CFAP299: variants seen among roughly 807,000 people sequenced by gnomAD.
CFAP299 encodes cilia- and flagella-associated protein 299.
A neutral mutation model predicts 27.0 loss-of-function variants in CFAP299; 21 were observed. That is an observed-to-expected ratio of 0.78 (90% CI 0.55 to 1.12). The LOEUF (loss-of-function observed/expected upper bound fraction) is 1.12, where lower values mean the gene tolerates loss of function less well. Among genes scored for constraint, CFAP299 ranks in the 50% most tolerant of loss-of-function variants. CFAP299 has a pLI of 0.00. For synonymous variants in CFAP299, 104 were observed against 98.1 expected, an observed-to-expected ratio of 1.06 and a Z score of -0.36; for missense variants, 310 against 276.6, an observed-to-expected ratio of 1.12 and a Z score of -0.86.
intron 2 of CFAP299, among the ~76,000 whole-genome samples, chr4:80,376,678 G>A (rs905316011): frequency 2.6e-5 from 4 of 152,048 alleles, no homozygotes; most frequent in Admixed American, 6.6e-5. Context: ...TATTGAGATG[G>A]AGTTTCACTA....
intron 5 of CFAP299, among the ~76,000 whole-genome samples, chr4:80,956,050 T>C (rs1738046891): frequency 6.6e-6 from 1 of 152,162 alleles, no homozygotes; most frequent in Non-Finnish European, 1.5e-5. Context: ...TACTCATAAT[T>C]GATATGAGAA....
At chr4:80,665,255 A>G (rs1741090094) in intron 3 of CFAP299, among the ~76,000 whole-genome samples, 3 of 152,220 alleles carry the variant, frequency 2.0e-5, no homozygotes, top group African/African-American at 7.2e-5. Context: ...GGCAAAAGCT[A>G]GAGAAAATTT....
chr4:80,640,219 C>CTTAT (rs1560672049), intron 3 of CFAP299, among the ~76,000 whole-genome samples: 2 of 152,124 alleles, frequency 1.3e-5, no homozygotes, highest in South Asian at 2.1e-4. Context: ...GCTATGAAGC[C>CTTAT]GGCTCTGATT....
rs541972901 is a variant in CFAP299 at position 80,478,365 on chromosome 4, A to G, written c.243-104728A>G. On this transcript the variant is annotated intron_variant, in intron 2 of 5. Coordinates refer to ENST00000358105, the MANE Select transcript of CFAP299 (RefSeq NM_152770.3). ...TTTTATTTTATAATTTTTTTGTTTG[A>G]TAGCCTTTTATCATACTTATATATA... 1.2e-3 allele frequency among the ~76,000 whole-genome samples: 176 copies of G among 152,180 alleles called. 1 individual carries two copies. Among genetic ancestry groups the G allele is most frequent in the African/African-American group, 3.7e-3 (152 of 41,548 alleles).
intron 4 of CFAP299, among the ~76,000 whole-genome samples, chr4:80,892,216 G>A (rs1003435464): frequency 8.5e-5 from 13 of 152,164 alleles, no homozygotes; most frequent in Non-Finnish European, 1.6e-4. Context: ...CACCTACAGG[G>A]AACTCATTTT....
intron 2 of CFAP299, chr4:80,387,046 T>C: frequency 7.2e-7 from 1 of 1,386,146 alleles, no homozygotes; most frequent in South Asian, 1.2e-5. Context: ...GGAAACACCT[T>C]CTAGCAGTGT....
At chr4:80,827,074 G>A (rs571605424) in intron 3 of CFAP299, among the ~76,000 whole-genome samples, 1 of 151,900 alleles carries the variant, frequency 6.6e-6, no homozygotes, top group East Asian at 1.9e-4. Flanking sequence ...CATTAAAACA[G>A]AGATCTCAAA....
intron 4 of CFAP299, among the ~76,000 whole-genome samples, chr4:80,891,789 T>TA (rs1355453928): frequency 0.095 from 3,338 of 35,038 alleles, 133 homozygotes; most frequent in African/African-American, 0.21. Flanking sequence ...AAAAAAAAAA[T>TA]AAAAAAAAAA....
chr4:80,946,997 A>C (rs958031293), intron 5 of CFAP299, among the ~76,000 whole-genome samples: 1 of 152,184 alleles, frequency 6.6e-6, no homozygotes, highest in Non-Finnish European at 1.5e-5. Flanking sequence ...CTGTATTTTA[A>C]CTAATGGCAT....
rs770035118 is a variant in CFAP299 at position 80,491,842 on chromosome 4, T to C, written c.243-91251T>C. Among the ~76,000 whole-genome samples, 102 of 152,220 alleles carry C rather than the reference T, an allele frequency of 6.7e-4. 1 individual carries two copies. The highest frequency in any genetic ancestry group is 2.1e-4 in the South Asian group (1 of 4,830). On this transcript the variant is annotated intron_variant, in intron 2 of 5. Coordinates refer to ENST00000358105, the MANE Select transcript of CFAP299 (RefSeq NM_152770.3). ...TTGAAATGGCCCTGCAAAGCTGTTC[T>C]TTCTGAGAGAAAATCTGCTTCTGTA...
intron 4 of CFAP299, among the ~76,000 whole-genome samples, chr4:80,895,556 A>T (rs185793259): frequency 1.1e-4 from 17 of 152,050 alleles, no homozygotes; most frequent in African/African-American, 3.9e-4. Context: ...GTTTGCAGAA[A>T]ATATATATAT....
chr4:80,531,501 T>C (rs946397517), intron 2 of CFAP299, among the ~76,000 whole-genome samples: 1 of 152,192 alleles, frequency 6.6e-6, no homozygotes, highest in African/African-American at 2.4e-5. Flanking sequence ...TAATTTTCAA[T>C]TTGCAATTAT....
rs1367057266 is a variant in CFAP299, at chr4:80,493,239, T to C, written c.243-89854T>C. Among the ~76,000 whole-genome samples, 4 of 152,318 alleles carry C rather than the reference T, an allele frequency of 2.6e-5. No individual in the cohort carries two copies. The East Asian group carries it at 7.7e-4, about 29-fold the overall frequency. ...GAAATAGCACTTGAATATAAAACTT[T>C]CTTTTAATTATCAGCAAGGCAAGGT... is the stretch of plus-strand genomic sequence containing the variant. On this transcript the variant is annotated intron_variant, in intron 2 of 5. Coordinates refer to ENST00000358105, the MANE Select transcript of CFAP299 (RefSeq NM_152770.3).
intron 2 of CFAP299, among the ~76,000 whole-genome samples, chr4:80,526,424 A>T (rs1428799505): frequency 6.6e-6 from 1 of 152,170 alleles, no homozygotes; most frequent in Admixed American, 6.6e-5. Context: ...AATACATACT[A>T]AATCAAAATT....
At chr4:80,534,970 A>C (rs1214326489) in intron 2 of CFAP299, among the ~76,000 whole-genome samples, 1 of 152,186 alleles carries the variant, frequency 6.6e-6, no homozygotes, top group East Asian at 1.9e-4. Context: ...TCTAAATTCT[A>C]TAGAGTGTTT....
At chr4:80,594,257 A>G (rs755682481) in intron 3 of CFAP299, among the ~76,000 whole-genome samples, 2 of 152,178 alleles carry the variant, frequency 1.3e-5, no homozygotes, top group Non-Finnish European at 2.9e-5. Flanking sequence ...CCTTCTTCAC[A>G]AGGTGGCAGG....
At chr4:80,758,526 G>A (rs1319687536) in intron 3 of CFAP299, among the ~76,000 whole-genome samples, 1 of 152,088 alleles carries the variant, frequency 6.6e-6, no homozygotes, top group African/African-American at 2.4e-5. Context: ...TGTCACTTTG[G>A]GCCATGGTTC....
intron 4 of CFAP299, among the ~76,000 whole-genome samples, chr4:80,935,205 A>G (rs769870532): frequency 2.0e-5 from 3 of 151,998 alleles, no homozygotes; most frequent in Admixed American, 6.6e-5. Context: ...ATTTATTTCT[A>G]GTCTCATATC....
intron 2 of CFAP299, among the ~76,000 whole-genome samples, chr4:80,449,138 C>T (rs1049075588): frequency 3.9e-5 from 6 of 152,180 alleles, no homozygotes; most frequent in East Asian, 1.9e-4. Context: ...TTCTGTATTT[C>T]GTTTTGATTT....
Sources: gnomAD v4.1 joint callset for allele counts (sites outside exome capture counted in the v4.1 genomes callset) on GRCh38, gnomAD v4.1.1 for gene constraint, MANE v1.5 for transcripts, NCBI Gene and HGNC (gene_info 2026-07-23, HGNC 2026-07-21) for gene names.